The following MNDA variants were observed in gnomAD, a reference collection of about 807,000 sequenced individuals.
The protein encoded by MNDA is myeloid cell nuclear differentiation antigen, also known as epididymis secretory sperm binding protein.
MNDA carries 43 observed loss-of-function variants against 37.8 expected under a neutral mutation model. The ratio of observed to expected loss-of-function variants is 1.14; its 90% CI spans 0.89 to 1.47. The LOEUF (loss-of-function observed/expected upper bound fraction) is 1.47, where lower values mean the gene tolerates loss of function less well. MNDA is among the 40% of genes most tolerant of loss of function. The pLI is 0.00. For synonymous variants in MNDA, 181 were observed against 169.0 expected (o/e 1.07, Z -0.55); for missense variants, 536 against 476.0 (o/e 1.13, Z -1.17).
intron 3 of MNDA, 138 bp from the exon 4 acceptor site, chr1:158,843,817 G>A: frequency 1.4e-6 from 1 of 723,474 alleles, no homozygotes. Flanking sequence ...TCAAGTGACA[G>A]ATTGTAATTC....
intron 2 of MNDA, 59 bp from the exon 3 acceptor site, chr1:158,843,220 G>A: frequency 6.5e-7 from 1 of 1,537,386 alleles, no homozygotes; most frequent in African/African-American, 1.4e-5. Flanking sequence ...TGCCTCAGCT[G>A]TCTTAGATAA....
chr1:158,846,207 AAGTT>A (rs1369535615), intron 5 of MNDA, among the ~76,000 whole-genome samples: 1 of 152,200 alleles, frequency 6.6e-6, no homozygotes, highest in Admixed American at 6.5e-5. Flanking sequence ...CTTTGAAAAA[AAGTT>A]AGTAAGAAAT....
At chr1:158,833,141 T>C (rs190038370) in intron 1 of MNDA, among the ~76,000 whole-genome samples, 97 of 152,280 alleles carry the variant, frequency 6.4e-4, no homozygotes, top group Non-Finnish European at 1.3e-3. Context: ...GCTTTACTTA[T>C]TTTTAAGATA....
intron 6 of MNDA, among the ~76,000 whole-genome samples, 162 bp from the exon 7 acceptor site, chr1:158,849,028 G>C (rs1488250384): frequency 1.3e-5 from 2 of 151,964 alleles, no homozygotes; most frequent in African/African-American, 4.8e-5. Flanking sequence ...GTTTTTTGAA[G>C]GTAGATCTTC....
intron 1 of MNDA, among the ~76,000 whole-genome samples, chr1:158,836,069 G>T (rs998123192): frequency 3.0e-4 from 45 of 151,588 alleles, no homozygotes; most frequent in African/African-American, 9.4e-4. Context: ...TGCATTCCAG[G>T]GATAAACCTT....
At chr1:158,835,389 T>C (rs1375782879) in intron 1 of MNDA, among the ~76,000 whole-genome samples, 3 of 152,156 alleles carry the variant, frequency 2.0e-5, no homozygotes, top group Non-Finnish European at 4.4e-5. Flanking sequence ...AACTGTTTCC[T>C]TAATTTCCTT....
At chr1:158,847,951 A>T (rs767954362) in intron 6 of MNDA, 35 bp downstream of exon 6, 1 of 1,583,944 alleles carries the variant, frequency 6.3e-7, no homozygotes, top group East Asian at 2.3e-5. Flanking sequence ...AGTTTGCTAA[A>T]GAGGCAAATA....
At chr1:158,848,881 A>G (rs1303798900) in intron 6 of MNDA, among the ~76,000 whole-genome samples, 1 of 152,036 alleles carries the variant, frequency 6.6e-6, no homozygotes, top group Non-Finnish European at 1.5e-5. Flanking sequence ...ATGCCACCAG[A>G]CTCTGCAAAT....
chr1:158,844,096 A>C lies in MNDA; in HGVS notation c.544A>C (p.Thr182Pro). ...CCCACTACCCCAGACCTCATCATCA[A>C]CTCCATCCAACACTTCGTTTACTCC... ...HPPLPQTSSS[T>P]PSNTSFTPNQ... The change falls in exon 4 of 7, where the codon ACT becomes CCT. Residue 182 changes from threonine (T) to proline (P), a missense_variant. Thr to Pro is a conservative substitution (Grantham distance 38). Transcript: ENST00000368141. The C allele has an allele frequency of 6.3e-7, 1 of 1,586,780 alleles. No homozygotes were observed. Among genetic ancestry groups the C allele is most frequent in the Non-Finnish European group, 8.6e-7 (1 of 1,168,656 alleles).
rs375251760 is a variant in MNDA at position 158,836,592 on chromosome 1, A to G, written c.-21+5035A>G. Among the ~76,000 whole-genome samples the G allele has an allele frequency of 1.4e-4, 21 of 151,840 alleles. No individual in the cohort carries two copies. In the South Asian group the frequency reaches 4.3e-3, roughly 31 times the overall value. On this transcript the variant is annotated intron_variant, in intron 1 of 6. Transcript: ENST00000368141. ...TGTTCTCTTTTTAGTTTCTGATTTT[A>G]TTATTTGAGTCTCCTTCTTTTTCTT...
At chr1:158,844,422 G>T (rs1659093125) in intron 4 of MNDA, among the ~76,000 whole-genome samples, 1 of 150,734 alleles carries the variant, frequency 6.6e-6, no homozygotes, top group Non-Finnish European at 1.5e-5. Flanking sequence ...GCTCATCTTT[G>T]CTCCCCACAC....
chr1:158,847,694 C>T, intron 5 of MNDA, 34 bp from the exon 6 acceptor site: 1 of 1,580,708 alleles, frequency 6.3e-7, no homozygotes, highest in South Asian at 1.2e-5. Context: ...ACTAACAATC[C>T]TCTCAGAAAC....
intron 1 of MNDA, among the ~76,000 whole-genome samples, chr1:158,834,475 T>A (rs559223752): frequency 6.6e-6 from 1 of 152,262 alleles, no homozygotes; most frequent in African/African-American, 2.4e-5. Flanking sequence ...TCTGTTGTTG[T>A]TGGAGTTGAT....
At chr1:158,833,809 C>T (rs1253175313) in intron 1 of MNDA, among the ~76,000 whole-genome samples, 1 of 152,114 alleles carries the variant, frequency 6.6e-6, no homozygotes, top group East Asian at 1.9e-4. Context: ...CTGCAATGAA[C>T]ATATATGTAC....
At chr1:158,843,131 C>T in intron 2 of MNDA, 148 bp from the exon 3 acceptor site, 1 of 922,630 alleles carries the variant, frequency 1.1e-6, no homozygotes, top group Non-Finnish European at 1.6e-6. Flanking sequence ...CTCCTAGGAG[C>T]CAGGCTGGGT....
Position 158,849,174 on chromosome 1 carries a change from T to G in MNDA, c.1177-16T>G, listed in dbSNP as rs745700528. 6.3e-7 allele frequency: 1 copy of G among 1,599,988 alleles called. No individual in the cohort carries two copies. Among genetic ancestry groups the G allele is most frequent in the South Asian group, 1.1e-5 (1 of 89,770 alleles). On this transcript the variant is annotated splice_polypyrimidine_tract_variant and intron_variant, in intron 6 of 6. Coordinates refer to ENST00000368141, the MANE Select transcript of MNDA (RefSeq NM_002432.3). ...TATCTAGGGTCTCATTATGTCTTTCTTATCTCTCTTTAAAGGTCATCAAGG... is the reference window on the plus strand; with the variant it reads ...TATCTAGGGTCTCATTATGTCTTTCGTATCTCTCTTTAAAGGTCATCAAGG...
chr1:158,842,038 C>T (rs1175771864), intron 1 of MNDA, 96 bp from the exon 2 acceptor site: 2 of 1,038,534 alleles, frequency 1.9e-6, no homozygotes, highest in African/African-American at 1.6e-5. Flanking sequence ...CCAAGGACAA[C>T]ATTTTGGCCT....
chr1:158,833,259 G>A (rs1658840185), intron 1 of MNDA, among the ~76,000 whole-genome samples: 1 of 152,102 alleles, frequency 6.6e-6, no homozygotes, highest in Admixed American at 6.6e-5. Flanking sequence ...AAAGAGCTGT[G>A]GGTATGGATA....
intron 5 of MNDA, among the ~76,000 whole-genome samples, chr1:158,847,272 G>A (rs1293843104): frequency 4.6e-5 from 7 of 152,134 alleles, no homozygotes; most frequent in Non-Finnish European, 8.8e-5. Flanking sequence ...ATTAATCCAT[G>A]TAACCCAAAA....
Sources: gnomAD v4.1 joint callset for allele counts (sites outside exome capture counted in the v4.1 genomes callset) on GRCh38, gnomAD v4.1.1 for gene constraint, MANE v1.5 for transcripts, NCBI Gene and HGNC (gene_info 2026-07-23, HGNC 2026-07-21) for gene names.